NELL2: variants seen among roughly 807,000 people sequenced by gnomAD.
NELL2 encodes the protein protein kinase C-binding protein NELL2.
In NELL2, 41 loss-of-function variants were observed where a neutral mutation model predicts 109.6. The observed-to-expected ratio is 0.37, with a 90% confidence interval of 0.29 to 0.49. The LOEUF (loss-of-function observed/expected upper bound fraction) is 0.49. Ranked by LOEUF, NELL2 falls within the 20% of genes least tolerant of loss-of-function variation. The pLI, the probability that NELL2 is intolerant of heterozygous loss-of-function variation, is 0.98. For synonymous variants in NELL2, 355 were observed against 344.7 expected (o/e 1.03, Z -0.33); for missense variants, 900 against 1,008.3 (o/e 0.89, Z 1.45).
In NELL2 at chr12:44,665,593, A is replaced by G. The variant is rs1206351968; in HGVS notation, c.1335T>C (p.Ala445=). 6.2e-7 allele frequency: 1 copy of G among 1,613,082 alleles called. No homozygotes were observed. Among genetic ancestry groups the G allele is most frequent in the East Asian group, 2.2e-5 (1 of 44,864 alleles). ...TTTCACGACAGTAATGGCGCCCTTC[A>G]GCACACTCATCGATGTCTGTGAAGA... is the stretch of plus-strand genomic sequence containing the variant. ...NAYCEDIDEC[A]EGRHYCRENT... Residue 445 remains alanine (A), a synonymous_variant, in exon 13 of 20, where the codon GCT becomes GCC. Transcript: ENST00000429094.
At chr12:44,515,252 T>C (rs1432520749) in intron 19 of NELL2, among the ~76,000 whole-genome samples, 5 of 151,830 alleles carry the variant, frequency 3.3e-5, no homozygotes, top group African/African-American at 1.2e-4. Context: ...GCACTTTAAA[T>C]ATAAAACCGT....
intron 1 of NELL2, among the ~76,000 whole-genome samples, chr12:44,894,057 T>G (rs976662907): frequency 3.3e-5 from 5 of 152,140 alleles, no homozygotes; most frequent in Admixed American, 6.5e-5. Flanking sequence ...AATAGAGAAA[T>G]TCTACACATT....
At chr12:44,569,054 C>A (rs772903037) in intron 15 of NELL2, among the ~76,000 whole-genome samples, 2 of 152,032 alleles carry the variant, frequency 1.3e-5, no homozygotes, top group Non-Finnish European at 2.9e-5. Context: ...TTCCAATAGG[C>A]CCCAGTGTCT....
chr12:44,891,448 C>T (rs192708741), intron 1 of NELL2, among the ~76,000 whole-genome samples: 3 of 152,194 alleles, frequency 2.0e-5, no homozygotes, highest in African/African-American at 4.8e-5. Context: ...CCTCTGCTCT[C>T]GGCTCAGAAA....
intron 11 of NELL2, among the ~76,000 whole-genome samples, chr12:44,706,870 T>C (rs1255140358): frequency 1.3e-5 from 2 of 152,156 alleles, no homozygotes; most frequent in Admixed American, 6.6e-5. Flanking sequence ...CTTTACAAAA[T>C]TACATAAAGT....
chr12:44,738,277 T>C (rs918271490), intron 9 of NELL2, among the ~76,000 whole-genome samples: 3 of 152,128 alleles, frequency 2.0e-5, no homozygotes, highest in Non-Finnish European at 2.9e-5. Context: ...CATCAGAACA[T>C]AGATCTAGCA....
chr12:44,742,048 G>C (rs1263718189), intron 9 of NELL2, among the ~76,000 whole-genome samples: 3 of 152,142 alleles, frequency 2.0e-5, no homozygotes, highest in African/African-American at 7.2e-5. Context: ...AGCCTAACTG[G>C]GAGGCACCCC....
At chr12:44,606,716 AAAT>A (rs1592196728) in intron 15 of NELL2, among the ~76,000 whole-genome samples, 1 of 152,304 alleles carries the variant, frequency 6.6e-6, no homozygotes, top group East Asian at 1.9e-4. Context: ...TTTTCCAGAT[AAAT>A]AATTATTAAT....
chr12:44,699,375 CTAA>C, intron 12 of NELL2, among the ~76,000 whole-genome samples: 1 of 151,948 alleles, frequency 6.6e-6, no homozygotes. Flanking sequence ...TTATAAAATC[CTAA>C]TATTATACTA....
chr12:44,729,798 A>G (rs1184869356), intron 9 of NELL2, among the ~76,000 whole-genome samples: 2 of 150,214 alleles, frequency 1.3e-5, no homozygotes, highest in African/African-American at 4.9e-5. Context: ...TTGGTTGTTT[A>G]TTTATTCTGT....
At chr12:44,743,530 T>G (rs1217571633) in intron 9 of NELL2, among the ~76,000 whole-genome samples, 2 of 152,158 alleles carry the variant, frequency 1.3e-5, no homozygotes, top group African/African-American at 4.8e-5. Context: ...TCAAGACCCA[T>G]CAGTGTGCTG....
chr12:44,876,256 G>A lies in NELL2; in HGVS notation c.-387C>T, dbSNP rs1487589164. The A allele has an allele frequency of 2.6e-5, 30 of 1,165,572 alleles. No individual in the cohort carries two copies. In the Admixed American group the frequency reaches 1.3e-3, roughly 49 times the overall value. The allele number at this position is 1,165,572 out of a possible 1,614,324, so 72.2% of individuals were successfully genotyped here. The stretch of plus-strand genomic sequence containing the variant: ...CGGCCCCAAGAAAGCCCGGGCTGGG[G>A]CGGCCCCGCACCCCCCCGTCTTCCC... On this transcript the variant is annotated 5_prime_UTR_variant, in exon 1 of 20. Transcript: ENST00000429094.
At chr12:44,835,635 C>T (rs1169493817) in intron 2 of NELL2, among the ~76,000 whole-genome samples, 1 of 152,198 alleles carries the variant, frequency 6.6e-6, no homozygotes, top group African/African-American at 2.4e-5. Flanking sequence ...CTAATGTTTA[C>T]ACAGAGGCAG....
chr12:44,854,017 T>C (rs1944604495), intron 2 of NELL2, among the ~76,000 whole-genome samples: 2 of 152,178 alleles, frequency 1.3e-5, no homozygotes, highest in African/African-American at 4.8e-5. Flanking sequence ...CAAGTATGTG[T>C]CAACAAACGC....
chr12:44,705,985 C>T (rs1475059659), intron 11 of NELL2, among the ~76,000 whole-genome samples: 2 of 152,012 alleles, frequency 1.3e-5, no homozygotes, highest in African/African-American at 4.8e-5. Context: ...TGTGATATGC[C>T]ACCTCTATTA....
chr12:44,611,682 A>G (rs1230340841), intron 13 of NELL2, among the ~76,000 whole-genome samples: 2 of 152,102 alleles, frequency 1.3e-5, no homozygotes, highest in Non-Finnish European at 2.9e-5. Flanking sequence ...CCTGTGGGAG[A>G]GGCAGAACCA....
upstream of NELL2, chr12:44,876,796 A>G: frequency 7.3e-7 from 1 of 1,378,292 alleles, no homozygotes; most frequent in African/African-American, 1.5e-5. Context: ...CGTGCGGAGG[A>G]AGGCCACCAA....
chr12:44,552,066 C>G (rs190352651), intron 15 of NELL2, among the ~76,000 whole-genome samples: 3 of 152,218 alleles, frequency 2.0e-5, no homozygotes, highest in Non-Finnish European at 4.4e-5. Context: ...TCCATTGCAG[C>G]TACTAGGCAT....
At chr12:44,857,161 T>C (rs1337264942) in intron 2 of NELL2, among the ~76,000 whole-genome samples, 1 of 152,086 alleles carries the variant, frequency 6.6e-6, no homozygotes, top group Non-Finnish European at 1.5e-5. Context: ...TATGTAAGAG[T>C]TCACCAGGAA....
Sources: allele counts gnomAD v4.1 joint callset (sites outside exome capture counted in the v4.1 genomes callset), GRCh38; gene constraint gnomAD v4.1.1; transcripts MANE v1.5; gene names NCBI Gene and HGNC (gene_info 2026-07-23, HGNC 2026-07-21).